Variants in RCBTB1 observed in about 807,000 individuals in gnomAD.
The protein encoded by RCBTB1 is RCC1 and BTB domain containing protein 1.
In RCBTB1, 46 loss-of-function variants were observed where a neutral mutation model predicts 62.4. The observed-to-expected ratio is 0.74, with a 90% confidence interval of 0.58 to 0.94. The LOEUF is 0.94. Ranked by LOEUF, RCBTB1 falls within the 40% of genes least tolerant of loss-of-function variation. The pLI is 0.00. For synonymous variants in RCBTB1, 222 were observed against 245.8 expected, an observed-to-expected ratio of 0.90 and a Z score of 0.91; for missense variants, 565 against 654.9, an observed-to-expected ratio of 0.86 and a Z score of 1.50.
At chr13:49,575,100 A>T (rs1304315881) in intron 2 of RCBTB1, among the ~76,000 whole-genome samples, 1 of 152,206 alleles carries the variant, frequency 6.6e-6, no homozygotes, top group Non-Finnish European at 1.5e-5. Context: ...TAATGGGTAC[A>T]GAGTTTCACT....
chr13:49,580,325 C>G (rs1190989931), intron 2 of RCBTB1, among the ~76,000 whole-genome samples, 180 bp downstream of exon 2: 3 of 152,148 alleles, frequency 2.0e-5, no homozygotes, highest in African/African-American at 7.2e-5. Flanking sequence ...TGGCTCACAC[C>G]TGTAATCCCA....
At chr13:49,542,722 T>C (rs1172052150) in intron 10 of RCBTB1, among the ~76,000 whole-genome samples, 1 of 151,886 alleles carries the variant, frequency 6.6e-6, no homozygotes, top group African/African-American at 2.4e-5. Context: ...TTTTTTTGCA[T>C]TGCCTGTTCC....
intron 5 of RCBTB1, among the ~76,000 whole-genome samples, chr13:49,556,894 T>C (rs752767485): frequency 6.6e-6 from 1 of 152,216 alleles, no homozygotes; most frequent in Non-Finnish European, 1.5e-5. Context: ...ATTAGCAAGT[T>C]TGAGCTAATT....
chr13:49,581,572 T>G (rs1490986028), intron 1 of RCBTB1, among the ~76,000 whole-genome samples: 2 of 152,146 alleles, frequency 1.3e-5, no homozygotes, highest in Non-Finnish European at 2.9e-5. Context: ...GATTTGGAAA[T>G]CTGGCATGAA....
chr13:49,549,711 C>T (rs1961164860), intron 8 of RCBTB1, 63 bp from the exon 9 acceptor site: 1 of 1,520,842 alleles, frequency 6.6e-7, no homozygotes, highest in Non-Finnish European at 8.8e-7. Flanking sequence ...GCACACCACA[C>T]AAGGCAATTT....
At chr13:49,536,020 T>A (rs965622863) in intron 12 of RCBTB1, among the ~76,000 whole-genome samples, 1 of 144,734 alleles carries the variant, frequency 6.9e-6, no homozygotes, top group African/African-American at 2.6e-5. Context: ...TGAAACTCCA[T>A]CTCAAAAAAA....
chr13:49,563,380 A>AT (rs71078864), intron 4 of RCBTB1, among the ~76,000 whole-genome samples: 1 of 144,086 alleles, frequency 6.9e-6, no homozygotes. Flanking sequence ...AAAAAAAAAA[A>AT]GGCCAGGCAC....
chr13:49,571,573 G>T (rs1211072380), intron 2 of RCBTB1, among the ~76,000 whole-genome samples: 1 of 152,120 alleles, frequency 6.6e-6, no homozygotes, highest in Non-Finnish European at 1.5e-5. Context: ...GTCTTCATTA[G>T]ACCATGCATG....
At chr13:49,560,800 A>G (rs1331021379) in intron 4 of RCBTB1, among the ~76,000 whole-genome samples, 2 of 152,206 alleles carry the variant, frequency 1.3e-5, no homozygotes, top group Non-Finnish European at 2.9e-5. Context: ...TGTCACTCAC[A>G]CTGCTGTGAC....
At chr13:49,548,265 G>A (rs891533273) in intron 9 of RCBTB1, among the ~76,000 whole-genome samples, 5 of 151,636 alleles carry the variant, frequency 3.3e-5, no homozygotes, top group Non-Finnish European at 5.9e-5. Context: ...GGTGGCACGC[G>A]CCTGTAATCC....
intron 4 of RCBTB1, 27 bp from the exon 5 acceptor site, chr13:49,560,111 C>A: frequency 6.2e-7 from 1 of 1,604,096 alleles, no homozygotes; most frequent in South Asian, 1.1e-5. Context: ...CACAAAAAAT[C>A]AGCTCCAAAA....
intron 4 of RCBTB1, among the ~76,000 whole-genome samples, chr13:49,565,187 G>A (rs141193665): frequency 1.3e-5 from 2 of 152,180 alleles, no homozygotes; most frequent in Non-Finnish European, 2.9e-5. Flanking sequence ...ACTGGTTTTC[G>A]TATTTTTTTG....
intron 2 of RCBTB1, among the ~76,000 whole-genome samples, chr13:49,578,972 T>C (rs1182431367): frequency 6.6e-6 from 1 of 152,224 alleles, no homozygotes; most frequent in Non-Finnish European, 1.5e-5. Flanking sequence ...TACAACTTAA[T>C]GTCTTCCATC....
At chr13:49,558,508 A>C (rs12585079) in intron 5 of RCBTB1, among the ~76,000 whole-genome samples, 37,029 of 151,734 alleles carry the variant, frequency 0.24, 5,845 homozygotes, top group African/African-American at 0.44. Context: ...CCTGGCCAAC[A>C]TGGTGAAACC....
intron 9 of RCBTB1, 130 bp from the exon 10 acceptor site, chr13:49,544,993 G>T: frequency 3.0e-6 from 2 of 659,326 alleles, no homozygotes; most frequent in Admixed American, 2.9e-5. Context: ...TTCATACCTT[G>T]TTTGACAAAT....
intron 9 of RCBTB1, chr13:49,546,031 TC>T: frequency 1.0e-6 from 1 of 955,014 alleles, no homozygotes; most frequent in Non-Finnish European, 1.2e-6. Context: ...AGAAAACCTC[TC>T]AAAAGTCAGG....
intron 9 of RCBTB1, chr13:49,546,453 C>A (rs944424631): frequency 2.0e-6 from 1 of 504,222 alleles, no homozygotes; most frequent in Non-Finnish European, 2.6e-6. Flanking sequence ...CGGACCGAGG[C>A]GGGGAGGAGG....
intron 11 of RCBTB1, 69 bp downstream of exon 11, chr13:49,541,607 C>T: frequency 7.0e-7 from 1 of 1,437,934 alleles, no homozygotes; most frequent in Non-Finnish European, 9.3e-7. Context: ...TTTTACATTT[C>T]AGGACTAAGA....
At chr13:49,534,331 T>A in intron 12 of RCBTB1, 69 bp from the exon 13 acceptor site, 1 of 1,507,484 alleles carries the variant, frequency 6.6e-7, no homozygotes, top group Non-Finnish European at 9.0e-7. Flanking sequence ...TACTTCTCTC[T>A]GAGCCCTTTA....
Sources: gnomAD v4.1 joint callset for allele counts (sites outside exome capture counted in the v4.1 genomes callset) on GRCh38, gnomAD v4.1.1 for gene constraint, MANE v1.5 for transcripts, NCBI Gene and HGNC (gene_info 2026-07-23, HGNC 2026-07-21) for gene names.